Variants in TNFAIP8 observed in about 807,000 individuals in gnomAD.
TNFAIP8 encodes the protein TNF alpha induced protein 8, also known as tumor necrosis factor alpha-induced protein 8.
Under a neutral mutation model 13.3 loss-of-function variants are expected in TNFAIP8, and 7 were observed. That is an observed-to-expected ratio of 0.52 (90% CI 0.30 to 0.99). The LOEUF is 0.99. Ranked by LOEUF, TNFAIP8 falls within the 50% of genes least tolerant of loss-of-function variation. The pLI, the probability that TNFAIP8 is intolerant of heterozygous loss-of-function variation, is 0.07. For missense variants in TNFAIP8, 258 were observed against 236.9 expected (o/e 1.09, Z -0.58); for synonymous variants, 94 against 87.6 (o/e 1.07, Z -0.41).
At position 119,393,916 on chromosome 5, in the gene TNFAIP8, C is replaced by G. The variant is rs1192224214; in HGVS notation, c.*535C>G. 1 of 153,428 alleles carries G rather than the reference C, an allele frequency of 6.5e-6. No individual in the cohort carries two copies. The highest frequency in any genetic ancestry group is 2.0e-4 in the South Asian group (1 of 4,962). 9.5% of individuals were successfully genotyped at this position (153,428 alleles called of 1,614,324 possible). A position where few individuals can be genotyped will look rare whatever the true frequency, so the allele number is the denominator to read the frequency against. On this transcript the variant is annotated 3_prime_UTR_variant, in exon 2 of 2. Transcript: ENST00000504771. ...CAGGATTTAAGTCTGAGGTAGTCAA[C>G]CCTCAGGAAAAAAAAAATGGCTTAT...
rs374027086 is a variant in TNFAIP8, at chr5:119,376,380, C to T, written c.32-16436C>T. Among the ~76,000 whole-genome samples, 49 of 152,230 alleles carry T rather than the reference C, an allele frequency of 3.2e-4. No individual in the cohort carries two copies. In the East Asian group the frequency reaches 4.6e-3, roughly 14 times the overall value. ...AGGTGATCCGCCCACCTCAGCCTCC[C>T]AAAGTGCTGGGATTACAGGTGTGAG... On this transcript the variant is annotated intron_variant, in intron 1 of 1. Coordinates refer to ENST00000504771, the MANE Select transcript of TNFAIP8 (RefSeq NM_014350.4).
At chr5:119,332,283 A>T (rs1473119700) in intron 1 of TNFAIP8, among the ~76,000 whole-genome samples, 2 of 152,090 alleles carry the variant, frequency 1.3e-5, no homozygotes, top group Admixed American at 1.3e-4. Flanking sequence ...TATTTGCTTC[A>T]CGTGGTTCTC....
At chr5:119,371,306 C>CTA (rs1752060494) in intron 1 of TNFAIP8, among the ~76,000 whole-genome samples, 1 of 152,266 alleles carries the variant, frequency 6.6e-6, no homozygotes, top group East Asian at 1.9e-4. Context: ...TATATAAAGA[C>CTA]TAACTGTACA....
chr5:119,280,907 GT>G (rs199581914), intron 1 of TNFAIP8, among the ~76,000 whole-genome samples: 5 of 146,032 alleles, frequency 3.4e-5, no homozygotes, highest in African/African-American at 1.0e-4. Flanking sequence ...ACTGATTAGG[GT>G]TTTTTTTTAA....
chr5:119,370,756 C>T (rs945844732), intron 1 of TNFAIP8, among the ~76,000 whole-genome samples: 1 of 152,196 alleles, frequency 6.6e-6, no homozygotes, highest in Non-Finnish European at 1.5e-5. Flanking sequence ...CATTCTTTAC[C>T]CTCCATCAGA....
chr5:119,310,028 G>A lies in TNFAIP8; in HGVS notation c.1+41121G>A, dbSNP rs188771538. ...ACATCTGGCACATTGTCACTTAGTA[G>A]GATCTCAAAAAGTGGCTGTTCTTTT... On this transcript the variant is annotated intron_variant, in intron 1 of 1. Coordinates refer to the TNFAIP8 transcript ENST00000274456. Among the ~76,000 whole-genome samples, 16 of 152,308 alleles carry A rather than the reference G, an allele frequency of 1.1e-4. No homozygotes were observed. In the East Asian group the frequency reaches 2.9e-3, roughly 28 times the overall value.
intron 1 of TNFAIP8, among the ~76,000 whole-genome samples, chr5:119,387,828 A>G (rs1417580765): frequency 6.6e-6 from 1 of 152,214 alleles, no homozygotes; most frequent in African/African-American, 2.4e-5. Flanking sequence ...TTTACACCCT[A>G]TTTCTAGAAA....
chr5:119,309,306 C>T (rs1216943249), intron 1 of TNFAIP8, among the ~76,000 whole-genome samples: 1 of 152,162 alleles, frequency 6.6e-6, no homozygotes, highest in Non-Finnish European at 1.5e-5. Context: ...AAGACACTTA[C>T]CATACTTTCA....
chr5:119,326,734 G>A (rs1750238591), intron 1 of TNFAIP8, among the ~76,000 whole-genome samples: 1 of 152,252 alleles, frequency 6.6e-6, no homozygotes, highest in South Asian at 2.1e-4. Flanking sequence ...AAGGAGGTTG[G>A]GGTGATGGGG....
chr5:119,375,331 A>T (rs2112824058), intron 1 of TNFAIP8, among the ~76,000 whole-genome samples: 1 of 152,300 alleles, frequency 6.6e-6, no homozygotes, highest in South Asian at 2.1e-4. Flanking sequence ...AAATGGTGAG[A>T]TGTGGAGTGG....
chr5:119,272,877 G>A (rs573641996), intron 1 of TNFAIP8, among the ~76,000 whole-genome samples: 9 of 152,284 alleles, frequency 5.9e-5, no homozygotes, highest in Admixed American at 1.3e-4. Flanking sequence ...TCAAGGTGAC[G>A]GGGGGCTAGG....
chr5:119,342,809 G>C (rs1249399580), intron 1 of TNFAIP8, among the ~76,000 whole-genome samples: 2 of 151,968 alleles, frequency 1.3e-5, no homozygotes, highest in Non-Finnish European at 2.9e-5. Flanking sequence ...CTCTTCTTTG[G>C]CTGGCGTTAC....
chr5:119,365,905 G>A (rs1466503336), intron 1 of TNFAIP8, among the ~76,000 whole-genome samples: 1 of 152,154 alleles, frequency 6.6e-6, no homozygotes, highest in Non-Finnish European at 1.5e-5. Flanking sequence ...AGCACCCACT[G>A]TAAGGGAAAG....
At chr5:119,283,511 AT>A in intron 1 of TNFAIP8, among the ~76,000 whole-genome samples, 1 of 152,194 alleles carries the variant, frequency 6.6e-6, no homozygotes, top group African/African-American at 2.4e-5. Context: ...TCCCTGATGG[AT>A]GTGAATGCTT....
Position 119,398,643 on chromosome 5 carries a change from G to A in TNFAIP8, c.*5262G>A, listed in dbSNP as rs1753126589. 1 of 151,176 alleles carries A rather than the reference G, an allele frequency of 6.6e-6. No individual in the cohort carries two copies. Among genetic ancestry groups the A allele is most frequent in the Admixed American group, 6.6e-5 (1 of 15,172 alleles). 9.4% of individuals were successfully genotyped at this position (151,176 alleles called of 1,614,324 possible). ...TGCAGTGAGCCAAGATTACACCACT[G>A]CACTCCAGCCTGGGCAACAAGAGTG... On this transcript the variant is annotated 3_prime_UTR_variant, in exon 2 of 2. Coordinates refer to ENST00000504771, the MANE Select transcript of TNFAIP8 (RefSeq NM_014350.4).
At chr5:119,307,928 G>A (rs1301838063) in intron 1 of TNFAIP8, among the ~76,000 whole-genome samples, 1 of 152,182 alleles carries the variant, frequency 6.6e-6, no homozygotes. Context: ...GTCCTTTGGA[G>A]TCTGCACATG....
rs1753099665 is a variant in TNFAIP8, at chr5:119,397,345, TA to T, written c.*3969del. 1.3e-5 allele frequency: 2 copies of T among 152,238 alleles called. No individual in the cohort carries two copies. Among genetic ancestry groups the T allele is most frequent in the Admixed American group, 6.5e-5 (1 of 15,288 alleles). 9.4% of individuals were successfully genotyped at this position (152,238 alleles called of 1,614,324 possible). On this transcript the variant is annotated 3_prime_UTR_variant, in exon 2 of 2. Transcript: ENST00000504771. ...TATCCAAATGATGAAATATTTGTAG[TA>T]AAAAGTGCTATTCAATTGCCAGGAA...
At position 119,287,280 on chromosome 5, in the gene TNFAIP8, G is replaced by GTTTTT. The variant is rs58452491; in HGVS notation, c.1+18389_1+18393dup. On this transcript the variant is annotated intron_variant, in intron 1 of 1. Transcript: ENST00000274456. ...ATAGCTTCCAGGGGACAGTAACCAA[G>GTTTTT]TTTTTTTTTTTTTTTTTTTTGCTTT... is the stretch of plus-strand genomic sequence containing the variant. Among the ~76,000 whole-genome samples, 43 of 109,222 alleles carry GTTTTT rather than the reference G, an allele frequency of 3.9e-4. No individual in the cohort carries two copies. The East Asian group carries it at 7.2e-3, about 18-fold the overall frequency. 71.7% of individuals were successfully genotyped at this position (109,222 alleles called of 152,430 possible). A position where few individuals can be genotyped will look rare whatever the true frequency, so the allele number is the denominator to read the frequency against.
rs536926934 is a variant in TNFAIP8, at chr5:119,339,674, G to T, written c.2-53142G>T. Among the ~76,000 whole-genome samples, 112 of 152,194 alleles carry T rather than the reference G, an allele frequency of 7.4e-4. No individual in the cohort carries two copies. The Middle Eastern group carries it at 0.014, about 18-fold the overall frequency. ...TCGATAAAGCATCACCAAGGTACTA[G>T]AAGGTTTGGTAAGTTGAACAATGAG... On this transcript the variant is annotated intron_variant, in intron 1 of 1. Coordinates refer to the TNFAIP8 transcript ENST00000274456.
Sources: allele counts gnomAD v4.1 joint callset (sites outside exome capture counted in the v4.1 genomes callset), GRCh38; gene constraint gnomAD v4.1.1; transcripts MANE v1.5; gene names NCBI Gene and HGNC (gene_info 2026-07-23, HGNC 2026-07-21).